The following BICRA variants were observed in gnomAD, a reference collection of about 807,000 sequenced individuals.
BICRA encodes BRD4 interacting chromatin remodeling complex associated protein, also known as BRD4-interacting chromatin-remodeling complex-associated protein.
A neutral mutation model predicts 96.9 loss-of-function variants in BICRA; 31 were observed. That is an observed-to-expected ratio of 0.32 (90% CI 0.24 to 0.43). The LOEUF is 0.43. Among genes scored for constraint, BICRA ranks in the 20% least tolerant of loss-of-function variants. The pLI, the probability that BICRA is intolerant of heterozygous loss-of-function variation, is 1.00. For synonymous variants in BICRA, 1,350 were observed against 1,071.8 expected (o/e 1.26, Z -5.07); for missense variants, 2,283 against 2,190.3 (o/e 1.04, Z -0.84).
chr19:47,685,776 T>TGC (rs1206232742), intron 7 of BICRA, among the ~76,000 whole-genome samples: 18 of 133,274 alleles, frequency 1.4e-4, no homozygotes, highest in African/African-American at 3.6e-4. Flanking sequence ...TGTGTGTGTG[T>TGC]GTGTGTGTGT....
chr19:47,700,026 A>G (rs1349007756), intron 14 of BICRA: 1 of 153,538 alleles, frequency 6.5e-6, no homozygotes, highest in Non-Finnish European at 1.4e-5. Context: ...AAATGAGTGC[A>G]AAGGGGTGGC....
chr19:47,693,968 C>T, intron 7 of BICRA, 147 bp from the exon 8 acceptor site: 1 of 921,388 alleles, frequency 1.1e-6, no homozygotes, highest in Admixed American at 3.3e-5. Context: ...GGAAGGGCAG[C>T]CGTGGTGGGC....
Position 47,698,899 on chromosome 19 carries a change from C to T in BICRA, c.3398-66C>T, listed in dbSNP as rs1174835330. 5 of 1,386,274 alleles carry T rather than the reference C, an allele frequency of 3.6e-6. No individual in the cohort carries two copies. The highest frequency in any genetic ancestry group is 2.0e-5 in the Admixed American group (1 of 51,218). 85.9% of individuals were successfully genotyped at this position (1,386,274 alleles called of 1,614,324 possible). On this transcript the variant is annotated intron_variant, in intron 12 of 14. Transcript: ENST00000594866. This position sits in a 1 kb window ranked among gnomAD's most constrained non-coding sequence, Gnocchi z 4.8. ...TGCGCTATGCTGACCCTGCCCCGCC[C>T]TCCTTCCTGCGCATCCGCGGCCGCC...
Position 47,679,968 on chromosome 19 carries a change from G to A in BICRA, c.798G>A (p.Ala266=). The A allele has an allele frequency of 1.3e-6, 2 of 1,486,184 alleles. No homozygotes were observed. Among genetic ancestry groups the A allele is most frequent in the Non-Finnish European group, 1.8e-6 (2 of 1,125,784 alleles). 92.1% of individuals were successfully genotyped at this position (1,486,184 alleles called of 1,614,324 possible). A position where few individuals can be genotyped will look rare whatever the true frequency, so the allele number is the denominator to read the frequency against. Reference sequence around the variant, plus strand: ...CCGTCAGCGGCTACCTGGCCTCGGCGGCTGGCCCCTCGGAGCCCGTGACGC... The same window carrying A: ...CCGTCAGCGGCTACCTGGCCTCGGCAGCTGGCCCCTCGGAGCCCGTGACGC... ...QVPVSGYLAS[A]AGPSEPVTLA... is the part of the protein sequence containing the mutation. Residue 266 remains alanine (A), a synonymous_variant, in exon 6 of 15, where the codon GCG becomes GCA. Coordinates refer to ENST00000594866, the MANE Select transcript of BICRA (RefSeq NM_001394372.1).
chr19:47,684,611 C>T (rs547636232), intron 7 of BICRA, among the ~76,000 whole-genome samples: 180 of 152,320 alleles, frequency 1.2e-3, no homozygotes, highest in African/African-American at 3.8e-3. Context: ...TGAGACACCG[C>T]GCCCGGCCTA....
chr19:47,703,052 A>G lies in BICRA; in HGVS notation c.*637A>G, dbSNP rs1400058375. On this transcript the variant is annotated 3_prime_UTR_variant, in exon 15 of 15. Coordinates refer to ENST00000594866, the MANE Select transcript of BICRA (RefSeq NM_001394372.1). The stretch of plus-strand genomic sequence containing the variant: ...GACTTTGAAATCTGAGCAAAACAAG[A>G]AACTGGGGTCTTCCTCTCCCCCGAA... 6.6e-6 allele frequency: 1 copy of G among 152,648 alleles called. No homozygotes were observed. Among genetic ancestry groups the G allele is most frequent in the African/African-American group, 2.4e-5 (1 of 41,402 alleles). 9.5% of individuals were successfully genotyped at this position (152,648 alleles called of 1,614,324 possible).
In BICRA at chr19:47,680,415, C is replaced by T. The variant is rs980689338; in HGVS notation, c.1245C>T (p.Pro415=). The change falls in exon 6 of 15, where the codon CCC becomes CCT. Residue 415 remains proline, a synonymous_variant. Coordinates refer to ENST00000594866, the MANE Select transcript of BICRA (RefSeq NM_001394372.1). ...AGQNVVLSGF[P]APALQANVFK... is the part of the protein sequence containing the mutation. Reference sequence around the variant, plus strand: ...AGAACGTGGTGCTGTCGGGCTTCCCCGCGCCTGCGCTGCAAGCGAACGTCT... The same window carrying T: ...AGAACGTGGTGCTGTCGGGCTTCCCTGCGCCTGCGCTGCAAGCGAACGTCT... 6.5e-7 allele frequency: 1 copy of T among 1,535,844 alleles called. No homozygotes were observed.
chr19:47,631,539 A>T (rs1455992150), intron 1 of BICRA, among the ~76,000 whole-genome samples: 3 of 151,974 alleles, frequency 2.0e-5, no homozygotes, highest in African/African-American at 2.4e-5. Flanking sequence ...AATTTTAAAA[A>T]TTTTTTGTAG....
chr19:47,696,836 G>A (rs1004392154), intron 11 of BICRA, among the ~76,000 whole-genome samples: 8 of 152,036 alleles, frequency 5.3e-5, no homozygotes, highest in African/African-American at 1.9e-4. Context: ...CCACTGGGTG[G>A]GTGAAGTGAT....
Position 47,702,448 on chromosome 19 carries a change from T to A in BICRA, c.*33T>A. On this transcript the variant is annotated 3_prime_UTR_variant, in exon 15 of 15. Transcript: ENST00000594866. ...CCGCCTCCCCTTCCCCGTCCCCTCC[T>A]CCCGAAGACGCCGGGACAGTCGGGT... is the stretch of plus-strand genomic sequence containing the variant. The A allele has an allele frequency of 1.4e-6, 2 of 1,446,984 alleles. No homozygotes were observed. Among genetic ancestry groups the A allele is most frequent in the Non-Finnish European group, 1.8e-6 (2 of 1,113,578 alleles). 89.6% of individuals were successfully genotyped at this position (1,446,984 alleles called of 1,614,324 possible). A position where few individuals can be genotyped will look rare whatever the true frequency, so the allele number is the denominator to read the frequency against.
Position 47,702,322 on chromosome 19 carries a change from C to T in BICRA, c.4590C>T (p.Gly1530=). The change falls in exon 15 of 15, where the codon GGC becomes GGT. Residue 1530 remains glycine, a synonymous_variant. Transcript: ENST00000594866. Reference sequence around the variant, plus strand: ...CGTACCCCCACGCTGCCTCGGCCGGCACCCCCGCATCCCCGCCGCCCCTGC... The same window carrying T: ...CGTACCCCCACGCTGCCTCGGCCGGTACCCCCGCATCCCCGCCGCCCCTGC... ...APSYPHAASA[G]TPASPPPLHR... is the part of the protein sequence containing the mutation. The T allele has an allele frequency of 1.9e-6, 3 of 1,560,060 alleles. No individual in the cohort carries two copies. Among genetic ancestry groups the T allele is most frequent in the Admixed American group, 1.8e-5 (1 of 54,104 alleles).
chr19:47,694,926 C>G lies in BICRA; in HGVS notation c.2922C>G (p.Asn974Lys). 2 of 1,526,648 alleles carry G rather than the reference C, an allele frequency of 1.3e-6. No individual in the cohort carries two copies. The highest frequency in any genetic ancestry group is 1.7e-6 in the Non-Finnish European group (2 of 1,145,512). The allele number at this position is 1,526,648 out of a possible 1,614,324, so 94.6% of individuals were successfully genotyped here. A position where few individuals can be genotyped will look rare whatever the true frequency, so the allele number is the denominator to read the frequency against. Residue 974 changes from asparagine (N) to lysine (K), a missense_variant, in exon 9 of 15, where the codon AAC becomes AAG. By Grantham distance (94) the Asn-to-Lys change is moderately conservative. Transcript: ENST00000594866. ...TGCCGTCCGGAATCATCCTCCAGAA[C>G]AAGGCTGGGGGGGCCCCTGCCGCCC... ...HQVPSGIILQNKAGGAPAAPQ... is the reference protein window; with the variant it reads ...HQVPSGIILQKKAGGAPAAPQ...
chr19:47,669,813 C>T (rs1011646416), intron 1 of BICRA, among the ~76,000 whole-genome samples: 25 of 151,878 alleles, frequency 1.6e-4, no homozygotes, highest in Admixed American at 1.5e-3. Flanking sequence ...CCCGCCAGCA[C>T]GCCCGGCTAA....
At chr19:47,637,662 A>G in intron 1 of BICRA, among the ~76,000 whole-genome samples, 1 of 152,102 alleles carries the variant, frequency 6.6e-6, no homozygotes, top group Non-Finnish European at 1.5e-5. Flanking sequence ...TCTCACCCTA[A>G]AAGGAAACCT....
chr19:47,617,257 G>A (rs997500219), intron 1 of BICRA, among the ~76,000 whole-genome samples: 1 of 152,148 alleles, frequency 6.6e-6, no homozygotes, highest in African/African-American at 2.4e-5. Flanking sequence ...TTATAGGCAT[G>A]AGCAACTGCA....
chr19:47,672,570 TAAA>T (rs568426381), intron 2 of BICRA, among the ~76,000 whole-genome samples: 13 of 144,478 alleles, frequency 9.0e-5, no homozygotes, highest in East Asian at 4.1e-4. Context: ...TTTGGAAAGA[TAAA>T]GAAGTGGATG....
chr19:47,668,985 T>C (rs1177839801), intron 1 of BICRA, among the ~76,000 whole-genome samples: 2 of 151,930 alleles, frequency 1.3e-5, no homozygotes, highest in Non-Finnish European at 2.9e-5. Flanking sequence ...AGGTGCCTTA[T>C]CCCAGCTACT....
chr19:47,697,190 A>G (rs1244380370), intron 11 of BICRA, among the ~76,000 whole-genome samples: 2 of 152,000 alleles, frequency 1.3e-5, no homozygotes, highest in East Asian at 1.9e-4. Flanking sequence ...TATTTTTAGT[A>G]GAGATGGAGT....
At chr19:47,668,846 G>A (rs781279959) in intron 1 of BICRA, among the ~76,000 whole-genome samples, 8 of 151,412 alleles carry the variant, frequency 5.3e-5, no homozygotes, top group Non-Finnish European at 7.4e-5. Context: ...TAGGCCAGGC[G>A]CAGTGGCTCA....
Sources: gnomAD v4.1 joint callset for allele counts (sites outside exome capture counted in the v4.1 genomes callset) on GRCh38, gnomAD v4.1.1 for gene constraint, Gnocchi (gnomAD v3.1) non-coding constraint, MANE v1.5 for transcripts, NCBI Gene and HGNC (gene_info 2026-07-23, HGNC 2026-07-21) for gene names.